The following ITGA9 variants were observed in gnomAD, a reference collection of about 807,000 sequenced individuals.
ITGA9 encodes the protein integrin alpha-9.
ITGA9 carries 56 observed loss-of-function variants against 127.8 expected under a neutral mutation model. That is an observed-to-expected ratio of 0.44 (90% confidence interval 0.35 to 0.55). The LOEUF is 0.55. Among genes scored for constraint, ITGA9 ranks in the 20% least tolerant of loss-of-function variants. The pLI is 0.00. For missense variants in ITGA9, 1,196 were observed against 1,347.1 expected, an observed-to-expected ratio of 0.89 and a Z score of 1.76; for synonymous variants, 508 against 514.5, an observed-to-expected ratio of 0.99 and a Z score of 0.17.
intron 18 of ITGA9, among the ~76,000 whole-genome samples, chr3:37,729,739 C>G (rs901168068): frequency 4.3e-4 from 51 of 118,408 alleles, no homozygotes; most frequent in Non-Finnish European, 6.5e-4. Flanking sequence ...GAGTCTTGCT[C>G]TGTCACCAGG....
At chr3:37,508,449 G>T (rs1698867654) in intron 7 of ITGA9, 110 bp from the exon 8 acceptor site, 1 of 813,696 alleles carries the variant, frequency 1.2e-6, no homozygotes, top group African/African-American at 1.7e-5. Context: ...AAGCACATCT[G>T]CTGTGCACCT....
chr3:37,812,995 C>T (rs1575250180), intron 27 of ITGA9, among the ~76,000 whole-genome samples: 1 of 152,220 alleles, frequency 6.6e-6, no homozygotes, highest in Non-Finnish European at 1.5e-5. Context: ...GGCACCCATG[C>T]GTGCTCACAT....
intron 23 of ITGA9, among the ~76,000 whole-genome samples, chr3:37,755,592 G>T (rs1376121699): frequency 6.6e-6 from 1 of 152,172 alleles, no homozygotes; most frequent in Non-Finnish European, 1.5e-5. Context: ...TCATTCAAAT[G>T]AAACTTCAAT....
rs534557122 is a variant in ITGA9 at position 37,779,829 on chromosome 3, C to T, written c.2668-73C>T. 1.3e-3 allele frequency: 2,005 copies of T among 1,500,550 alleles called. 5 individuals carry two copies. The highest frequency in any genetic ancestry group is 1.5e-3 in the Non-Finnish European group (1,660 of 1,080,312). 93.0% of individuals were successfully genotyped at this position (1,500,550 alleles called of 1,614,324 possible). ...TTAGTCACCAAGTTCATGGAGCCCA[C>T]TACTCTGTAAATTGTTGTGGATTTG... On this transcript the variant is annotated intron_variant, in intron 24 of 27. Coordinates refer to ENST00000264741, the MANE Select transcript of ITGA9 (RefSeq NM_002207.3).
intron 26 of ITGA9, among the ~76,000 whole-genome samples, chr3:37,792,920 T>C (rs116699403): frequency 4.0e-3 from 605 of 152,188 alleles, no homozygotes; most frequent in African/African-American, 0.014. Context: ...CTGGGAGTGA[T>C]CCAGTGTCAT....
At chr3:37,614,434 A>G (rs971748403) in intron 15 of ITGA9, among the ~76,000 whole-genome samples, 1 of 152,120 alleles carries the variant, frequency 6.6e-6, no homozygotes, top group Non-Finnish European at 1.5e-5. Flanking sequence ...CTTAGGATTG[A>G]CTTGGCGATG....
chr3:37,526,803 CT>C (rs1559528438), intron 13 of ITGA9, among the ~76,000 whole-genome samples: 1 of 152,212 alleles, frequency 6.6e-6, no homozygotes. Flanking sequence ...GATCTCAGAG[CT>C]GGAAGGGATC....
intron 18 of ITGA9, among the ~76,000 whole-genome samples, chr3:37,726,377 T>C (rs1696201001): frequency 6.6e-6 from 1 of 152,202 alleles, no homozygotes; most frequent in Non-Finnish European, 1.5e-5. Context: ...GACTTCAAAC[T>C]CTACCTAGCA....
intron 16 of ITGA9, among the ~76,000 whole-genome samples, chr3:37,647,354 T>C (rs1012209789): frequency 5.3e-5 from 8 of 152,154 alleles, no homozygotes; most frequent in African/African-American, 1.9e-4. Context: ...CATTGTTTTT[T>C]AATGTATGTA....
At chr3:37,468,422 A>G (rs1219359012) in intron 1 of ITGA9, among the ~76,000 whole-genome samples, 3 of 152,130 alleles carry the variant, frequency 2.0e-5, no homozygotes, top group African/African-American at 4.8e-5. Flanking sequence ...ACCCACACAC[A>G]TTCCCATGAA....
chr3:37,470,927 T>G, intron 1 of ITGA9, 80 bp from the exon 2 acceptor site: 1 of 1,434,416 alleles, frequency 7.0e-7, no homozygotes, highest in Non-Finnish European at 9.8e-7. Context: ...AGCCCACCCG[T>G]GGTTGGGTGA....
intron 23 of ITGA9, among the ~76,000 whole-genome samples, chr3:37,760,929 C>T (rs1435455163): frequency 6.6e-6 from 1 of 152,000 alleles, no homozygotes; most frequent in African/African-American, 2.4e-5. Context: ...ATTACTTCTA[C>T]AAAATAATGC....
chr3:37,518,756 A>G (rs959678858), intron 10 of ITGA9, among the ~76,000 whole-genome samples: 1 of 121,980 alleles, frequency 8.2e-6, no homozygotes, highest in Non-Finnish European at 1.7e-5. Flanking sequence ...GTCAGCTTCT[A>G]TAGTTTTCAC....
chr3:37,725,320 A>G (rs1296945493), intron 18 of ITGA9, among the ~76,000 whole-genome samples: 2 of 152,206 alleles, frequency 1.3e-5, no homozygotes, highest in African/African-American at 4.8e-5. Flanking sequence ...TCAGGGCCTG[A>G]GCAAGTGGCA....
chr3:37,610,655 A>G (rs1700007618), intron 15 of ITGA9, among the ~76,000 whole-genome samples: 1 of 152,254 alleles, frequency 6.6e-6, no homozygotes, highest in South Asian at 2.1e-4. Flanking sequence ...TAGCCCAGTC[A>G]TGCACATTGG....
At position 37,585,743 on chromosome 3, in the gene ITGA9, A is replaced by G. The variant is rs576867669; in HGVS notation, c.1689+43158A>G. On this transcript the variant is annotated intron_variant, in intron 15 of 27. Transcript: ENST00000264741. ...TTGCGAAGGGGTGGTGAACACTAATATGCCTGACTCCATAGAGCAGTGTAT... is the reference window on the plus strand; with the variant it reads ...TTGCGAAGGGGTGGTGAACACTAATGTGCCTGACTCCATAGAGCAGTGTAT... 149 of 476,044 alleles carry G rather than the reference A, an allele frequency of 3.1e-4. 1 individual carries two copies. Among genetic ancestry groups the G allele is most frequent in the Middle Eastern group, 6.6e-4 (2 of 3,016 alleles). The allele number at this position is 476,044 out of a possible 1,614,324, so 29.5% of individuals were successfully genotyped here.
chr3:37,714,595 G>A (rs1701114363), intron 18 of ITGA9, among the ~76,000 whole-genome samples: 1 of 152,154 alleles, frequency 6.6e-6, no homozygotes, highest in Non-Finnish European at 1.5e-5. Flanking sequence ...CCCTCCCAAG[G>A]GAAGGAAGCC....
intron 15 of ITGA9, chr3:37,585,658 G>T (rs1155742): frequency 1.9e-6 from 1 of 514,452 alleles, no homozygotes; most frequent in Non-Finnish European, 3.9e-6. Flanking sequence ...TGTGGCTAAA[G>T]AAGTCTCAAC....
At chr3:37,542,718 A>G (rs1699286937) in intron 15 of ITGA9, 133 bp downstream of exon 15, 1 of 911,934 alleles carries the variant, frequency 1.1e-6, no homozygotes. Context: ...GAGCATATCC[A>G]TTTCTTCTTT....
Sources: allele counts gnomAD v4.1 joint callset (sites outside exome capture counted in the v4.1 genomes callset), GRCh38; gene constraint gnomAD v4.1.1; transcripts MANE v1.5; gene names NCBI Gene and HGNC (gene_info 2026-07-23, HGNC 2026-07-21).